The following PRKCB variants were observed in gnomAD, a reference collection of about 807,000 sequenced individuals.
The protein encoded by PRKCB is protein kinase C beta type.
Under a neutral mutation model 81.5 loss-of-function variants are expected in PRKCB, and 13 were observed. The observed-to-expected ratio is 0.16, with a 90% CI of 0.10 to 0.25. The LOEUF (loss-of-function observed/expected upper bound fraction) is 0.25. Among genes scored for constraint, PRKCB ranks in the 10% least tolerant of loss-of-function variants. The pLI is 1.00. For missense variants in PRKCB, 509 were observed against 875.7 expected, an observed-to-expected ratio of 0.58 and a Z score of 5.29; for synonymous variants, 335 against 321.4, an observed-to-expected ratio of 1.04 and a Z score of -0.45.
intron 9 of PRKCB, among the ~76,000 whole-genome samples, chr16:24,146,344 T>G (rs1273180310): frequency 1.3e-5 from 2 of 152,264 alleles, no homozygotes; most frequent in Non-Finnish European, 2.9e-5. Context: ...ATTTATAATT[T>G]GCCATGCACA....
chr16:24,182,189 C>A (rs1326390928), intron 13 of PRKCB, among the ~76,000 whole-genome samples: 2 of 152,062 alleles, frequency 1.3e-5, no homozygotes, highest in East Asian at 3.8e-4. Context: ...GTTCTCAACT[C>A]TAACTGCAGT....
chr16:24,168,700 A>G (rs1967390145), intron 10 of PRKCB, among the ~76,000 whole-genome samples: 1 of 144,252 alleles, frequency 6.9e-6, no homozygotes, highest in Non-Finnish European at 1.5e-5. Flanking sequence ...ACAGGTGCTC[A>G]CCACCATGCC....
intron 2 of PRKCB, among the ~76,000 whole-genome samples, chr16:23,873,419 T>C (rs539184088): frequency 2.6e-4 from 39 of 152,004 alleles, no homozygotes; most frequent in African/African-American, 8.7e-4. Context: ...GGAAGACTTA[T>C]CGGGAATGCA....
chr16:23,859,367 T>C (rs1962624237), intron 2 of PRKCB, among the ~76,000 whole-genome samples: 8 of 152,160 alleles, frequency 5.3e-5, no homozygotes, highest in Admixed American at 5.2e-4. Context: ...CAAAGTCCAC[T>C]CAGAAGAGAG....
At chr16:24,212,213 G>C (rs1056137594) in intron 16 of PRKCB, among the ~76,000 whole-genome samples, 4 of 151,972 alleles carry the variant, frequency 2.6e-5, no homozygotes, top group African/African-American at 9.7e-5. Context: ...TCCTCCTGCT[G>C]TCCTAAGACA....
rs533940566 is a variant in PRKCB at position 23,894,191 on chromosome 16, CT to C, written c.205+56792del. Among the ~76,000 whole-genome samples the C allele has an allele frequency of 2.6e-5, 4 of 152,324 alleles. No individual in the cohort carries two copies. In the South Asian group the frequency reaches 8.3e-4, roughly 32 times the overall value. On this transcript the variant is annotated intron_variant, in intron 2 of 16. Coordinates refer to ENST00000643927, the MANE Select transcript of PRKCB (RefSeq NM_002738.7). ...AAGGAGGCAAACCCTGATGCACAAA[CT>C]TTTTTTCAAGTTTTGGTTGCATCAC...
chr16:23,971,454 A>G (rs1964555369), intron 2 of PRKCB, among the ~76,000 whole-genome samples: 1 of 151,838 alleles, frequency 6.6e-6, no homozygotes, highest in Middle Eastern at 3.4e-3. Context: ...TCTTTGTCCT[A>G]CTCTGTGTCC....
chr16:24,209,942 C>A (rs944909669), intron 16 of PRKCB, among the ~76,000 whole-genome samples: 1 of 151,436 alleles, frequency 6.6e-6, no homozygotes, highest in African/African-American at 2.4e-5. Flanking sequence ...CACACACACA[C>A]CCTGTGTCTA....
Position 24,001,673 on chromosome 16 carries a change from G to A in PRKCB, c.288+13083G>A, listed in dbSNP as rs147803814. 1.2e-3 allele frequency among the ~76,000 whole-genome samples: 183 copies of A among 152,108 alleles called. 2 individuals carry two copies. Among genetic ancestry groups the A allele is most frequent in the East Asian group, 7.5e-3 (39 of 5,174 alleles). On this transcript the variant is annotated intron_variant, in intron 3 of 16. Coordinates refer to ENST00000643927, the MANE Select transcript of PRKCB (RefSeq NM_002738.7). ...CATTATTCAAGGATCTTTTCTTCTC[G>A]TAAAACCCCAGACAAATATGTTTCA...
chr16:24,137,676 C>T (rs147110536), intron 9 of PRKCB, among the ~76,000 whole-genome samples: 5 of 152,316 alleles, frequency 3.3e-5, no homozygotes, highest in African/African-American at 1.2e-4. Flanking sequence ...TCCATCTCAA[C>T]TTTATCTCTA....
rs191829072 is a variant in PRKCB at position 23,856,001 on chromosome 16, G to A, written c.205+18595G>A. On this transcript the variant is annotated intron_variant, in intron 2 of 16. Coordinates refer to ENST00000643927, the MANE Select transcript of PRKCB (RefSeq NM_002738.7). Reference sequence around the variant, plus strand: ...GGGAATGCCTTCTGGGGTTCACTGCGTGCTTCTATGTCTTTCTTAGAGGTT... The same window carrying A: ...GGGAATGCCTTCTGGGGTTCACTGCATGCTTCTATGTCTTTCTTAGAGGTT... 1.3e-4 allele frequency among the ~76,000 whole-genome samples: 20 copies of A among 152,286 alleles called. No individual in the cohort carries two copies. In the East Asian group the frequency reaches 2.9e-3, roughly 22 times the overall value.
At chr16:23,860,158 T>C (rs985512715) in intron 2 of PRKCB, among the ~76,000 whole-genome samples, 14 of 152,160 alleles carry the variant, frequency 9.2e-5, no homozygotes, top group African/African-American at 3.1e-4. Flanking sequence ...TGAATGATAA[T>C]AGGACCTACC....
At chr16:24,115,705 T>C (rs1303754334) in intron 8 of PRKCB, among the ~76,000 whole-genome samples, 1 of 152,110 alleles carries the variant, frequency 6.6e-6, no homozygotes, top group East Asian at 1.9e-4. Context: ...CCAAGAGCAT[T>C]TATCCCAAGG....
chr16:24,160,199 T>G (rs1384015329), intron 10 of PRKCB, among the ~76,000 whole-genome samples: 2 of 150,810 alleles, frequency 1.3e-5, no homozygotes, highest in Admixed American at 6.6e-5. Context: ...TGTTTTTTTT[T>G]TTTTTTTTTT....
chr16:23,873,593 C>T (rs547517605), intron 2 of PRKCB, among the ~76,000 whole-genome samples: 1 of 152,302 alleles, frequency 6.6e-6, no homozygotes, highest in South Asian at 2.1e-4. Context: ...TTCACACTTA[C>T]TTCCCAACTG....
At chr16:24,138,500 G>T (rs4580164) in intron 9 of PRKCB, among the ~76,000 whole-genome samples, 133 of 152,182 alleles carry the variant, frequency 8.7e-4, no homozygotes, top group African/African-American at 3.1e-3. Context: ...ATATAACATA[G>T]GATTCAAAGA....
intron 2 of PRKCB, among the ~76,000 whole-genome samples, chr16:23,933,398 T>C (rs1305550410): frequency 1.3e-5 from 2 of 152,166 alleles, no homozygotes; most frequent in East Asian, 3.9e-4. Context: ...TGAGCCCCTT[T>C]TGGTTAAGTT....
At chr16:23,897,676 A>G (rs1963401209) in intron 2 of PRKCB, among the ~76,000 whole-genome samples, 1 of 151,946 alleles carries the variant, frequency 6.6e-6, no homozygotes, top group Non-Finnish European at 1.5e-5. Flanking sequence ...GTGTGATTTG[A>G]CTCTAACCTC....
At chr16:23,912,742 A>G (rs2141735109) in intron 2 of PRKCB, among the ~76,000 whole-genome samples, 2 of 150,850 alleles carry the variant, frequency 1.3e-5, no homozygotes, top group East Asian at 3.9e-4. Flanking sequence ...CGAACTCCTG[A>G]CCTCAGGTGA....
Sources: allele counts gnomAD v4.1 joint callset (sites outside exome capture counted in the v4.1 genomes callset), GRCh38; gene constraint gnomAD v4.1.1; transcripts MANE v1.5; gene names NCBI Gene and HGNC (gene_info 2026-07-23, HGNC 2026-07-21).